ANO1: variants seen among roughly 807,000 people sequenced by gnomAD.
The protein encoded by ANO1 is anoctamin 1, also known as anoctamin-1.
A neutral mutation model predicts 124.0 loss-of-function variants in ANO1; 59 were observed. The ratio of observed to expected loss-of-function variants is 0.48; its 90% CI spans 0.39 to 0.59. The LOEUF is 0.59. Ranked by LOEUF, ANO1 falls within the 20% of genes least tolerant of loss-of-function variation. ANO1 has a pLI of 0.00. For synonymous variants in ANO1, 529 were observed against 532.0 expected (o/e 0.99, Z 0.08); for missense variants, 1,059 against 1,328.0 (o/e 0.80, Z 3.15).
chr11:70,171,130 C>G (rs1195741333), intron 22 of ANO1, 91 bp downstream of exon 22: 1 of 1,490,102 alleles, frequency 6.7e-7, no homozygotes, highest in Non-Finnish European at 9.0e-7. Flanking sequence ...AGAGCCAGAG[C>G]TGGCCAGGTG....
intron 1 of ANO1, among the ~76,000 whole-genome samples, chr11:69,986,564 G>A (rs1400162087): frequency 2.6e-5 from 4 of 152,154 alleles, no homozygotes; most frequent in Non-Finnish European, 5.9e-5. Flanking sequence ...TTTTACAGGC[G>A]CTATTAATAC....
intron 1 of ANO1, among the ~76,000 whole-genome samples, chr11:70,055,119 A>G (rs1857414136): frequency 6.6e-6 from 1 of 152,116 alleles, no homozygotes. Context: ...AGAGGACAAG[A>G]TTTCAGTCCT....
At chr11:69,972,362 C>A in the ANO1 span, among the ~76,000 whole-genome samples, 1 of 152,030 alleles carries the variant, frequency 6.6e-6, no homozygotes, top group Non-Finnish European at 1.5e-5. Context: ...CGAGGACACA[C>A]TTTTCAGTCC....
chr11:70,010,179 G>GTGTGTGTGTGTGTATATATATATATA, intron 1 of ANO1, among the ~76,000 whole-genome samples: 2 of 83,776 alleles, frequency 2.4e-5, no homozygotes, highest in African/African-American at 4.7e-5. Context: ...GTGTGTGTGT[G>GTGTGTGTGTGTGTATATATATATATA]TATATATATA....
intron 1 of ANO1, among the ~76,000 whole-genome samples, chr11:69,992,791 G>A (rs1179965280): frequency 3.3e-5 from 5 of 152,120 alleles, no homozygotes; most frequent in Non-Finnish European, 5.9e-5. Flanking sequence ...TGTTCCCCTC[G>A]TCAACGTCTA....
At chr11:70,037,241 G>A (rs190275353) in intron 1 of ANO1, among the ~76,000 whole-genome samples, 55 of 152,228 alleles carry the variant, frequency 3.6e-4, no homozygotes, top group Non-Finnish European at 6.5e-4. Context: ...AAGGACAGGT[G>A]TGACAGGGAC....
chr11:70,055,975 C>A (rs567893901), intron 1 of ANO1, among the ~76,000 whole-genome samples: 51 of 151,424 alleles, frequency 3.4e-4, no homozygotes, highest in Non-Finnish European at 1.0e-4. Context: ...TACCTTCCCT[C>A]CCACCCCACC....
chr11:70,074,522 T>C (rs782224169), upstream of ANO1, among the ~76,000 whole-genome samples: 7 of 152,118 alleles, frequency 4.6e-5, no homozygotes, highest in Non-Finnish European at 8.8e-5. Flanking sequence ...CCTAGTTTGC[T>C]CTCCTGCCTG....
chr11:70,036,385 T>C (rs1437161914), intron 1 of ANO1, among the ~76,000 whole-genome samples: 1 of 152,224 alleles, frequency 6.6e-6, no homozygotes, highest in African/African-American at 2.4e-5. Flanking sequence ...TTGAAATTCC[T>C]AATTACTCTA....
chr11:69,999,596 T>C (rs1372569846), intron 1 of ANO1, among the ~76,000 whole-genome samples: 1 of 152,180 alleles, frequency 6.6e-6, no homozygotes, highest in Non-Finnish European at 1.5e-5. Context: ...ATGTGTTGGC[T>C]TTACGCACCA....
chr11:70,013,586 C>A (rs782368194), intron 1 of ANO1, among the ~76,000 whole-genome samples: 23 of 151,884 alleles, frequency 1.5e-4, no homozygotes, highest in Admixed American at 3.9e-4. Flanking sequence ...TGAGACCAGC[C>A]TGGCCAACAT....
At chr11:70,187,013 C>G (rs1268957607) in intron 25 of ANO1, among the ~76,000 whole-genome samples, 2 of 152,198 alleles carry the variant, frequency 1.3e-5, no homozygotes, top group Non-Finnish European at 2.9e-5. Flanking sequence ...CACCTGGAGG[C>G]AAGGCAGCCC....
intron 2 of ANO1, among the ~76,000 whole-genome samples, chr11:70,091,729 T>C (rs1421600853): frequency 6.6e-6 from 1 of 152,142 alleles, no homozygotes; most frequent in Non-Finnish European, 1.5e-5. Context: ...CTGGCCTTTG[T>C]TCCTGGGGCG....
intron 1 of ANO1, among the ~76,000 whole-genome samples, chr11:70,027,564 C>T (rs1314152657): frequency 1.3e-5 from 2 of 152,206 alleles, no homozygotes; most frequent in African/African-American, 2.4e-5. Flanking sequence ...ACACTTAAGC[C>T]ACATGGAGGT....
chr11:70,090,249 C>A (rs796385954), intron 2 of ANO1, among the ~76,000 whole-genome samples: 6 of 152,306 alleles, frequency 3.9e-5, no homozygotes, highest in African/African-American at 1.2e-4. Context: ...TCTCGTGGTC[C>A]GCCCGCCTTG....
chr11:70,052,392 T>C (rs1248806141), intron 1 of ANO1, among the ~76,000 whole-genome samples: 1 of 152,136 alleles, frequency 6.6e-6, no homozygotes, highest in Non-Finnish European at 1.5e-5. Flanking sequence ...CTTTGGCATT[T>C]CCACATAAAT....
At position 70,189,267 on chromosome 11, in the gene ANO1, C is replaced by G. The variant is rs2049271196; in HGVS notation, c.*1263C>G. On this transcript the variant is annotated 3_prime_UTR_variant, in exon 26 of 26. Coordinates refer to ENST00000355303, the MANE Select transcript of ANO1 (RefSeq NM_018043.7). ...TGAAGATCTCATTGATGTGATGTTACATTCCCTTTAATCTGCCAACTGTGG... is the reference window on the plus strand; with the variant it reads ...TGAAGATCTCATTGATGTGATGTTAGATTCCCTTTAATCTGCCAACTGTGG... 1 of 152,644 alleles carries G rather than the reference C, an allele frequency of 6.6e-6. No individual in the cohort carries two copies. Among genetic ancestry groups the G allele is most frequent in the Non-Finnish European group, 1.5e-5 (1 of 68,044 alleles). 9.5% of individuals were successfully genotyped at this position (152,644 alleles called of 1,614,324 possible). A position where few individuals can be genotyped will look rare whatever the true frequency, so the allele number is the denominator to read the frequency against.
intron 1 of ANO1, among the ~76,000 whole-genome samples, chr11:70,041,280 G>A (rs372011626): frequency 2.0e-4 from 31 of 152,306 alleles, no homozygotes; most frequent in African/African-American, 7.2e-4. Context: ...AATGTTTTCT[G>A]TGAACCTTGA....
intron 9 of ANO1, among the ~76,000 whole-genome samples, chr11:70,124,639 T>C (rs2046420098): frequency 6.6e-6 from 1 of 152,154 alleles, no homozygotes; most frequent in Non-Finnish European, 1.5e-5. Flanking sequence ...CCCTTTTCAG[T>C]CACATTTACC....
Sources: gnomAD v4.1 joint callset for allele counts (sites outside exome capture counted in the v4.1 genomes callset) on GRCh38, gnomAD v4.1.1 for gene constraint, MANE v1.5 for transcripts, NCBI Gene and HGNC (gene_info 2026-07-23, HGNC 2026-07-21) for gene names.